MDGA2: variants seen among roughly 807,000 people sequenced by gnomAD.
The protein encoded by MDGA2 is MAM domain-containing glycosylphosphatidylinositol anchor protein 2.
In MDGA2, 40 loss-of-function variants were observed where a neutral mutation model predicts 117.8. The observed-to-expected ratio is 0.34, with a 90% CI of 0.26 to 0.44. The LOEUF (loss-of-function observed/expected upper bound fraction) is 0.44. MDGA2 is among the 20% of genes least tolerant of loss of function. MDGA2 has a pLI of 1.00. For missense variants in MDGA2, 1,123 were observed against 1,250.6 expected, an observed-to-expected ratio of 0.90 and a Z score of 1.54; for synonymous variants, 452 against 439.0, an observed-to-expected ratio of 1.03 and a Z score of -0.37.
At chr14:47,584,504 G>C (rs1896287383) in intron 1 of MDGA2, among the ~76,000 whole-genome samples, 6 of 151,742 alleles carry the variant, frequency 4.0e-5, no homozygotes. Flanking sequence ...TTGTAGTACA[G>C]ATAACCAAAT....
intron 8 of MDGA2, among the ~76,000 whole-genome samples, chr14:46,968,443 A>G (rs1270020681): frequency 6.6e-6 from 1 of 152,194 alleles, no homozygotes; most frequent in Non-Finnish European, 1.5e-5. Context: ...AAAAAGAAAT[A>G]AAAAGCATCT....
At chr14:47,038,580 T>C (rs61992828) in intron 7 of MDGA2, among the ~76,000 whole-genome samples, 56,851 of 151,954 alleles carry the variant, frequency 0.37, 11,698 homozygotes, top group East Asian at 0.62. Flanking sequence ...AAAAATTGAT[T>C]TTTAGATAAA....
At chr14:46,922,810 C>A (rs575691763) in intron 9 of MDGA2, among the ~76,000 whole-genome samples, 2 of 152,302 alleles carry the variant, frequency 1.3e-5, no homozygotes, top group Admixed American at 6.5e-5. Context: ...CTGAGACTGG[C>A]AGCAGCATGC....
chr14:47,387,224 C>A (rs1335754832), intron 1 of MDGA2, among the ~76,000 whole-genome samples: 2 of 152,132 alleles, frequency 1.3e-5, no homozygotes, highest in Non-Finnish European at 2.9e-5. Context: ...GTTCTACAAT[C>A]AGCATCCTTT....
At chr14:47,008,941 A>G (rs1887804007) in intron 8 of MDGA2, among the ~76,000 whole-genome samples, 1 of 151,932 alleles carries the variant, frequency 6.6e-6, no homozygotes, top group Non-Finnish European at 1.5e-5. Flanking sequence ...TACTCAGCAA[A>G]TTAAGTGATT....
intron 1 of MDGA2, among the ~76,000 whole-genome samples, chr14:47,611,316 A>G (rs1183002083): frequency 6.6e-6 from 1 of 152,194 alleles, no homozygotes; most frequent in Non-Finnish European, 1.5e-5. Flanking sequence ...TTCATGACCA[A>G]GAACCCAAAA....
At chr14:47,000,333 TTATA>T (rs199648904) in intron 8 of MDGA2, among the ~76,000 whole-genome samples, 1 of 128,678 alleles carries the variant, frequency 7.8e-6, no homozygotes, top group Non-Finnish European at 1.6e-5. Flanking sequence ...ATATATATAT[TTATA>T]TATATATATA....
intron 1 of MDGA2, among the ~76,000 whole-genome samples, chr14:47,509,671 T>C (rs1894597294): frequency 6.6e-6 from 1 of 152,232 alleles, no homozygotes; most frequent in Non-Finnish European, 1.5e-5. Flanking sequence ...TCAAGAGGAT[T>C]ATTCCTAAGG....
At chr14:47,306,589 C>A (rs1197426639) in intron 1 of MDGA2, among the ~76,000 whole-genome samples, 2 of 152,158 alleles carry the variant, frequency 1.3e-5, no homozygotes, top group Non-Finnish European at 2.9e-5. Flanking sequence ...ATCCCTCACG[C>A]AGCTATTCTC....
chr14:47,420,650 A>T (rs547323622), intron 1 of MDGA2, among the ~76,000 whole-genome samples: 1 of 151,980 alleles, frequency 6.6e-6, no homozygotes, highest in South Asian at 2.1e-4. Flanking sequence ...GCACTGTAGG[A>T]CTCCTTTTCT....
Position 46,873,499 on chromosome 14 carries a change from G to T in MDGA2, c.2686C>A (p.Pro896Thr). Residue 896 changes from proline (P) to threonine (T), a missense_variant, in exon 14 of 17, where the codon CCT (proline) becomes ACT (threonine). Around this residue, in one of 2 missense-constraint regions of MDGA2, gnomAD observed 890 missense variants for 1,050.3 expected, o/e 0.85. Transcript: ENST00000399232. ...SPVFSIAPKN[P>T]YGPTNTAYCF... ...TATGCAGTGTTTGTGGGTCCATAAGGGTTTTTGGGAGCTATGCTGAAAACA... is the reference window on the plus strand; with the variant it reads ...TATGCAGTGTTTGTGGGTCCATAAGTGTTTTTGGGAGCTATGCTGAAAACA... The T allele has an allele frequency of 6.2e-7, 1 of 1,612,544 alleles. No homozygotes were observed. Among genetic ancestry groups the T allele is most frequent in the Non-Finnish European group, 8.5e-7 (1 of 1,179,040 alleles).
chr14:47,234,944 A>G (rs1175743899), intron 2 of MDGA2, among the ~76,000 whole-genome samples: 1 of 152,162 alleles, frequency 6.6e-6, no homozygotes, highest in Non-Finnish European at 1.5e-5. Context: ...ATTAGTGTTC[A>G]TATGTGTAAC....
chr14:47,474,470 A>G (rs10142326), intron 1 of MDGA2, among the ~76,000 whole-genome samples: 5 of 151,780 alleles, frequency 3.3e-5, no homozygotes, highest in Non-Finnish European at 7.4e-5. Flanking sequence ...TCCCAGAATT[A>G]GAAAAAAAAA....
intron 1 of MDGA2, among the ~76,000 whole-genome samples, chr14:47,527,225 T>C (rs1322737259): frequency 6.6e-6 from 1 of 152,238 alleles, no homozygotes; most frequent in Non-Finnish European, 1.5e-5. Context: ...GTTTTTTACT[T>C]CTGACTTTAA....
intron 1 of MDGA2, among the ~76,000 whole-genome samples, chr14:47,512,956 A>G (rs1300954850): frequency 6.9e-6 from 1 of 143,900 alleles, no homozygotes; most frequent in Non-Finnish European, 1.5e-5. Context: ...TTTTAATAAT[A>G]TCCTTACATT....
chr14:47,442,878 T>G (rs1893042374), intron 1 of MDGA2, among the ~76,000 whole-genome samples: 1 of 152,150 alleles, frequency 6.6e-6, no homozygotes, highest in Non-Finnish European at 1.5e-5. Flanking sequence ...GATAAAATCT[T>G]GCACTGGAAT....
intron 8 of MDGA2, among the ~76,000 whole-genome samples, chr14:46,982,734 A>AAAAAAAAAAATAAT (rs1449356596): frequency 3.1e-5 from 4 of 130,408 alleles, no homozygotes; most frequent in Admixed American, 7.9e-5. Flanking sequence ...AAAAAAAAAA[A>AAAAAAAAAAATAAT]AATCATGTCA....
At chr14:47,090,070 T>C (rs1879549956) in intron 6 of MDGA2, among the ~76,000 whole-genome samples, 1 of 152,228 alleles carries the variant, frequency 6.6e-6, no homozygotes, top group Admixed American at 6.5e-5. Flanking sequence ...AGCATAAAGA[T>C]AATTTAGAAA....
At chr14:47,286,590 C>T (rs1888677360) in intron 2 of MDGA2, among the ~76,000 whole-genome samples, 1 of 151,840 alleles carries the variant, frequency 6.6e-6, no homozygotes, top group Non-Finnish European at 1.5e-5. Context: ...GAATAACATT[C>T]CATTGTGTGT....
Sources: allele counts gnomAD v4.1 joint callset (sites outside exome capture counted in the v4.1 genomes callset), GRCh38; gene constraint gnomAD v4.1.1; regional missense constraint gnomAD v4.1.1; transcripts MANE v1.5; gene names NCBI Gene and HGNC (gene_info 2026-07-23, HGNC 2026-07-21).